OPALIN: variants seen among roughly 807,000 people sequenced by gnomAD.
OPALIN encodes the protein transmembrane protein 10.
Under a neutral mutation model 17.8 loss-of-function variants are expected in OPALIN, and 15 were observed. That is an observed-to-expected ratio of 0.84 (90% CI 0.56 to 1.29). The LOEUF (loss-of-function observed/expected upper bound fraction) is 1.29. Among genes scored for constraint, OPALIN ranks in the 50% most tolerant of loss-of-function variants. OPALIN has a pLI of 0.00. For missense variants in OPALIN, 170 were observed against 176.0 expected (o/e 0.97, Z 0.19); for synonymous variants, 62 against 63.8 (o/e 0.97, Z 0.14).
chr10:96,355,437 C>A, intron 1 of OPALIN, 147 bp from the exon 2 acceptor site: 1 of 642,240 alleles, frequency 1.6e-6, no homozygotes, highest in Non-Finnish European at 2.7e-6. Flanking sequence ...ACAGTCTTGG[C>A]CCCAAAAGAA....
At chr10:96,355,196 T>C in intron 2 of OPALIN, 59 bp downstream of exon 2, 1 of 1,479,316 alleles carries the variant, frequency 6.8e-7, no homozygotes, top group Non-Finnish European at 9.3e-7. Flanking sequence ...GGAGACCTAC[T>C]GTAAATTCTG....
chr10:96,351,402 A>C lies in OPALIN; in HGVS notation c.48T>G (p.Ser16=). Reference sequence around the variant, plus strand: ...CCGTTTCTTTCCCACCTGTGACAGGAGAGGACGTCTGTATGGAAAAAGAAC... The same window carrying C: ...CCGTTTCTTTCCCACCTGTGACAGGCGAGGACGTCTGTATGGAAAAAGAAC... ...NFTLPANTTS[S]PVTGGKETDC... is the part of the protein sequence containing the mutation. Residue 16 remains serine, a synonymous_variant, in exon 3 of 6, where the codon TCT becomes TCG. Coordinates refer to ENST00000371172, the MANE Select transcript of OPALIN (RefSeq NM_033207.5). 6.5e-7 allele frequency: 1 copy of C among 1,545,460 alleles called. No individual in the cohort carries two copies. Among genetic ancestry groups the C allele is most frequent in the Non-Finnish European group, 8.8e-7 (1 of 1,140,236 alleles).
Position 96,345,850 on chromosome 10 carries a change from A to G in OPALIN, c.*91T>C. On this transcript the variant is annotated 3_prime_UTR_variant, in exon 6 of 6. Coordinates refer to ENST00000371172, the MANE Select transcript of OPALIN (RefSeq NM_033207.5). ...TAAATGAAATTTGGATTGATTAAGA[A>G]GCAGCTTGGCATCTTTCCTCTCCAA... 7.8e-7 allele frequency: 1 copy of G among 1,276,152 alleles called. No homozygotes were observed. Among genetic ancestry groups the G allele is most frequent in the Non-Finnish European group, 1.1e-6 (1 of 909,434 alleles). The allele number at this position is 1,276,152 out of a possible 1,614,324, so 79.1% of individuals were successfully genotyped here. A position where few individuals can be genotyped will look rare whatever the true frequency, so the allele number is the denominator to read the frequency against.
chr10:96,351,450 G>C (rs578027426), intron 2 of OPALIN, 40 bp from the exon 3 acceptor site: 3 of 1,357,590 alleles, frequency 2.2e-6, no homozygotes, highest in South Asian at 2.7e-5. Flanking sequence ...AGAACAAAAA[G>C]TCTATAGAAT....
At chr10:96,357,576 A>G (rs1845870150) in intron 1 of OPALIN, among the ~76,000 whole-genome samples, 1 of 152,122 alleles carries the variant, frequency 6.6e-6, no homozygotes, top group Admixed American at 6.5e-5. Context: ...CAACAAATCT[A>G]TTCTCCAAGG....
At chr10:96,351,515 C>A in intron 2 of OPALIN, 105 bp from the exon 3 acceptor site, 1 of 629,552 alleles carries the variant, frequency 1.6e-6, no homozygotes, top group Non-Finnish European at 2.6e-6. Flanking sequence ...TAAAGTTTAT[C>A]CCTTTGCTAA....
At chr10:96,355,411 G>T in intron 1 of OPALIN, 121 bp from the exon 2 acceptor site, 1 of 824,422 alleles carries the variant, frequency 1.2e-6, no homozygotes, top group Non-Finnish European at 2.0e-6. Flanking sequence ...GACTCAGCCA[G>T]CCCCCATCGT....
chr10:96,351,959 C>T (rs1430343112), intron 2 of OPALIN, among the ~76,000 whole-genome samples: 1 of 152,210 alleles, frequency 6.6e-6, no homozygotes, highest in Non-Finnish European at 1.5e-5. Context: ...TAAGATATTT[C>T]AGGCAAGAGT....
At chr10:96,353,584 AAG>A in intron 2 of OPALIN, 1 of 747,522 alleles carries the variant, frequency 1.3e-6, no homozygotes, top group Admixed American at 1.7e-5. Context: ...GCTGTTAACC[AAG>A]AGAGTACTCC....
At chr10:96,347,722 C>T (rs1405099487) in intron 5 of OPALIN, among the ~76,000 whole-genome samples, 5 of 152,188 alleles carry the variant, frequency 3.3e-5, no homozygotes, top group African/African-American at 4.8e-5. Flanking sequence ...ATTCACCCGC[C>T]TCAGCCTCCC....
rs370828926 is a variant in OPALIN at position 96,358,938 on chromosome 10, G to A, written c.-42C>T. 5 of 1,611,136 alleles carry A rather than the reference G, an allele frequency of 3.1e-6. No homozygotes were observed. In the African/African-American group the frequency reaches 6.7e-5, roughly 22 times the overall value. ...GGAACCTTCTTCGTACACTGCCTTT[G>A]GTAAGCTCCTTTCTCACTGGCTTTA... On this transcript the variant is annotated 5_prime_UTR_variant, in exon 1 of 6. Coordinates refer to ENST00000371172, the MANE Select transcript of OPALIN (RefSeq NM_033207.5).
At chr10:96,353,594 T>C in intron 2 of OPALIN, 1 of 730,502 alleles carries the variant, frequency 1.4e-6, no homozygotes, top group Non-Finnish European at 2.6e-6. Flanking sequence ...AAGAGAGTAC[T>C]CCAAAGGGTG....
At position 96,345,855 on chromosome 10, in the gene OPALIN, C is replaced by G. The variant is rs1845289636; in HGVS notation, c.*86G>C. 11 of 1,323,294 alleles carry G rather than the reference C, an allele frequency of 8.3e-6. No homozygotes were observed. Among genetic ancestry groups the G allele is most frequent in the Non-Finnish European group, 1.2e-5 (11 of 949,562 alleles). 82.0% of individuals were successfully genotyped at this position (1,323,294 alleles called of 1,614,324 possible). A position where few individuals can be genotyped will look rare whatever the true frequency, so the allele number is the denominator to read the frequency against. On this transcript the variant is annotated 3_prime_UTR_variant, in exon 6 of 6. Coordinates refer to ENST00000371172, the MANE Select transcript of OPALIN (RefSeq NM_033207.5). The stretch of plus-strand genomic sequence containing the variant: ...GAAATTTGGATTGATTAAGAAGCAG[C>G]TTGGCATCTTTCCTCTCCAAGTACA...
At chr10:96,355,126 A>T (rs1322785348) in intron 2 of OPALIN, 129 bp downstream of exon 2, 8 of 361,926 alleles carry the variant, frequency 2.2e-5, no homozygotes, top group Non-Finnish European at 3.4e-5. Context: ...AAAAAAAAAA[A>T]AAAAAAAAAA....
chr10:96,351,412 TG>T lies in OPALIN; in HGVS notation c.40-3del. On this transcript the variant is annotated splice_region_variant and splice_polypyrimidine_tract_variant and intron_variant, in intron 2 of 5. Coordinates refer to ENST00000371172, the MANE Select transcript of OPALIN (RefSeq NM_033207.5). ...CCCACCTGTGACAGGAGAGGACGTC[TG>T]TATGGAAAAAGAACATATATTGTAA... The T allele has an allele frequency of 6.5e-7, 1 of 1,540,618 alleles. No individual in the cohort carries two copies. Among genetic ancestry groups the T allele is most frequent in the Non-Finnish European group, 8.8e-7 (1 of 1,139,094 alleles).
At chr10:96,353,524 T>C in intron 2 of OPALIN, 1 of 1,121,248 alleles carries the variant, frequency 8.9e-7, no homozygotes, top group African/African-American at 1.5e-5. Flanking sequence ...AAATGGTTGG[T>C]TGCTCTACAC....
Position 96,349,388 on chromosome 10 carries a change from C to G in OPALIN, c.192+319G>C, listed in dbSNP as rs145561223. Among the ~76,000 whole-genome samples the G allele has an allele frequency of 5.8e-4, 88 of 152,266 alleles. 1 individual carries two copies. Among genetic ancestry groups the G allele is most frequent in the African/African-American group, 2.0e-3 (85 of 41,552 alleles). ...GTGAAGCTTGTGCGCTTTTGTTTCT[C>G]AACTTTAGAAAGCACACCCACTGTA... On this transcript the variant is annotated intron_variant, in intron 4 of 5. Coordinates refer to ENST00000371172, the MANE Select transcript of OPALIN (RefSeq NM_033207.5).
chr10:96,356,840 A>G (rs1845842328), intron 1 of OPALIN: 1 of 976,054 alleles, frequency 1.0e-6, no homozygotes, highest in Non-Finnish European at 1.2e-6. Context: ...CATTTTATAG[A>G]GAATAACCAA....
chr10:96,357,657 T>C (rs1460437849), intron 1 of OPALIN, among the ~76,000 whole-genome samples: 6 of 152,208 alleles, frequency 3.9e-5, no homozygotes, highest in Non-Finnish European at 8.8e-5. Flanking sequence ...AATACCGTAA[T>C]GTCATCTGTG....
Sources: gnomAD v4.1 joint callset for allele counts (sites outside exome capture counted in the v4.1 genomes callset) on GRCh38, gnomAD v4.1.1 for gene constraint, MANE v1.5 for transcripts, NCBI Gene and HGNC (gene_info 2026-07-23, HGNC 2026-07-21) for gene names.